Variants in GPM6A observed in about 807,000 individuals in gnomAD.
The protein encoded by GPM6A is neuronal membrane glycoprotein M6-a.
GPM6A carries 7 observed loss-of-function variants against 32.1 expected under a neutral mutation model. The ratio of observed to expected loss-of-function variants is 0.22; its 90% CI spans 0.12 to 0.41. The LOEUF is 0.41. Ranked by LOEUF, GPM6A falls within the 10% of genes least tolerant of loss-of-function variation. The pLI, the probability that GPM6A is intolerant of heterozygous loss-of-function variation, is 1.00. For missense variants in GPM6A, 235 were observed against 347.2 expected, an observed-to-expected ratio of 0.68 and a Z score of 2.57; for synonymous variants, 130 against 123.4, an observed-to-expected ratio of 1.05 and a Z score of -0.35.
chr4:175,831,967 CCTCGGCT>C (rs1008165389), intron 1 of GPM6A, among the ~76,000 whole-genome samples: 1 of 152,042 alleles, frequency 6.6e-6, no homozygotes, highest in African/African-American at 2.4e-5. Context: ...GATCCACCCT[CCTCGGCT>C]TGCCAAAGTG....
intron 1 of GPM6A, among the ~76,000 whole-genome samples, chr4:175,724,069 G>T (rs1296624662): frequency 6.6e-6 from 1 of 152,030 alleles, no homozygotes; most frequent in Non-Finnish European, 1.5e-5. Flanking sequence ...AATCATCAAA[G>T]GATGAACAGA....
intron 1 of GPM6A, among the ~76,000 whole-genome samples, chr4:175,976,123 A>C (rs1701757738): frequency 6.6e-6 from 1 of 150,824 alleles, no homozygotes; most frequent in African/African-American, 2.4e-5. Context: ...ATTACTTCAC[A>C]ATTTTTAACA....
chr4:175,636,293 T>TATATATAC (rs1740603461), intron 6 of GPM6A, among the ~76,000 whole-genome samples: 1 of 130,906 alleles, frequency 7.6e-6, no homozygotes, highest in Non-Finnish European at 1.6e-5. Context: ...TATATATATA[T>TATATATAC]ATATACATAT....
At chr4:175,742,964 T>C (rs1349491670) in intron 1 of GPM6A, among the ~76,000 whole-genome samples, 1 of 152,026 alleles carries the variant, frequency 6.6e-6, no homozygotes, top group Non-Finnish European at 1.5e-5. Context: ...CTGGGCAACA[T>C]TGTAAGACCC....
chr4:175,725,219 C>T (rs1311772968), intron 1 of GPM6A, among the ~76,000 whole-genome samples: 1 of 151,420 alleles, frequency 6.6e-6, no homozygotes, highest in Non-Finnish European at 1.5e-5. Flanking sequence ...AAGAGCTAAA[C>T]AAATATAAGC....
At chr4:175,822,501 A>G (rs1735306434) in intron 1 of GPM6A, among the ~76,000 whole-genome samples, 1 of 152,220 alleles carries the variant, frequency 6.6e-6, no homozygotes, top group African/African-American at 2.4e-5. Context: ...ATAGAAGTAT[A>G]TAACAACAGT....
intron 1 of GPM6A, among the ~76,000 whole-genome samples, chr4:175,926,856 T>C (rs573888399): frequency 6.6e-6 from 1 of 152,276 alleles, no homozygotes; most frequent in South Asian, 2.1e-4. Flanking sequence ...AAATTGAACG[T>C]AGAGTCAGAT....
At chr4:175,703,596 A>C (rs1744999801) in intron 1 of GPM6A, among the ~76,000 whole-genome samples, 1 of 152,232 alleles carries the variant, frequency 6.6e-6, no homozygotes, top group Non-Finnish European at 1.5e-5. Context: ...ACACAGCTTT[A>C]AGCATTTAAA....
chr4:175,660,810 G>A (rs552833097), intron 3 of GPM6A, among the ~76,000 whole-genome samples: 1 of 152,082 alleles, frequency 6.6e-6, no homozygotes, highest in South Asian at 2.1e-4. Flanking sequence ...GCATATGCTG[G>A]TCTGATTTAT....
chr4:175,912,367 A>C (rs1352628754), intron 1 of GPM6A, among the ~76,000 whole-genome samples: 1 of 152,070 alleles, frequency 6.6e-6, no homozygotes, highest in Non-Finnish European at 1.5e-5. Context: ...TCAAGCATAA[A>C]GGTCTTGCTG....
At chr4:175,692,553 T>C (rs1316178381) in intron 2 of GPM6A, among the ~76,000 whole-genome samples, 2 of 152,156 alleles carry the variant, frequency 1.3e-5, no homozygotes, top group South Asian at 2.1e-4. Context: ...TTGCTGTAGA[T>C]GTAGCAATTT....
Position 175,730,929 on chromosome 4 carries a change from C to A in GPM6A, c.38-29162G>T, listed in dbSNP as rs1260563382. 2.6e-5 allele frequency among the ~76,000 whole-genome samples: 4 copies of A among 152,126 alleles called. No individual in the cohort carries two copies. In the East Asian group the frequency reaches 7.7e-4, roughly 29 times the overall value. The stretch of plus-strand genomic sequence containing the variant: ...TCAAAAGATCCATCAGTTTTCTGGT[C>A]TCTTGGCATCTCTTCCTCTACTCCT... On this transcript the variant is annotated intron_variant, in intron 1 of 6. Coordinates refer to ENST00000393658, the MANE Select transcript of GPM6A (RefSeq NM_201591.3).
intron 1 of GPM6A, among the ~76,000 whole-genome samples, chr4:175,901,615 TTTTTTTCTTTTTC>T: frequency 7.1e-6 from 1 of 139,912 alleles, no homozygotes; most frequent in Non-Finnish European, 1.5e-5. Context: ...TATAATTTTC[TTTTTTTCTTTTTC>T]TTTTTTTTTT....
upstream of GPM6A, chr4:175,812,300 GGTTTTTTT>G: frequency 4.8e-6 from 2 of 418,778 alleles, no homozygotes; most frequent in Non-Finnish European, 5.7e-6. Context: ...AAAAACTGGG[GGTTTTTTT>G]TTTTTTTTTT....
chr4:175,879,176 C>T (rs1043886846), intron 1 of GPM6A, among the ~76,000 whole-genome samples: 9 of 152,128 alleles, frequency 5.9e-5, no homozygotes, highest in African/African-American at 2.2e-4. Flanking sequence ...AAGCCATTCA[C>T]CAAGTCTCTA....
At chr4:175,823,802 T>G (rs1735350149) in intron 1 of GPM6A, among the ~76,000 whole-genome samples, 1 of 152,154 alleles carries the variant, frequency 6.6e-6, no homozygotes, top group African/African-American at 2.4e-5. Context: ...ACCTAAAAAT[T>G]CTTATCTCAA....
At chr4:175,668,262 C>T (rs1020479867) in intron 3 of GPM6A, among the ~76,000 whole-genome samples, 9 of 152,042 alleles carry the variant, frequency 5.9e-5, no homozygotes, top group African/African-American at 1.7e-4. Context: ...AAGCGATATA[C>T]GAGATCTACT....
intron 1 of GPM6A, among the ~76,000 whole-genome samples, chr4:175,965,133 C>G (rs1740294877): frequency 6.6e-6 from 1 of 152,112 alleles, no homozygotes; most frequent in African/African-American, 2.4e-5. Context: ...CAATCTCACG[C>G]AGAACATTCA....
intron 3 of GPM6A, among the ~76,000 whole-genome samples, chr4:175,671,476 C>CAAAAAAAAAA (rs1743057417): frequency 2.4e-4 from 1 of 4,134 alleles, no homozygotes; most frequent in Non-Finnish European, 4.4e-4. Flanking sequence ...TGCCTACAAA[C>CAAAAAAAAAA]GAAAAAAAAA....
Sources: allele counts gnomAD v4.1 joint callset (sites outside exome capture counted in the v4.1 genomes callset), GRCh38; gene constraint gnomAD v4.1.1; transcripts MANE v1.5; gene names NCBI Gene and HGNC (gene_info 2026-07-23, HGNC 2026-07-21).